The following COL19A1 variants were observed in gnomAD, a reference collection of about 807,000 sequenced individuals.
The protein encoded by COL19A1 is collagen alpha-1(XIX) chain.
Under a neutral mutation model 190.2 loss-of-function variants are expected in COL19A1, and 159 were observed. The observed-to-expected ratio is 0.84, with a 90% confidence interval of 0.73 to 0.95. COL19A1 has a LOEUF of 0.95. Among genes scored for constraint, COL19A1 ranks in the 40% least tolerant of loss-of-function variants. The pLI is 0.00. For missense variants in COL19A1, 1,418 were observed against 1,431.9 expected, an observed-to-expected ratio of 0.99 and a Z score of 0.16; for synonymous variants, 509 against 458.9, an observed-to-expected ratio of 1.11 and a Z score of -1.39.
At chr6:70,050,971 A>T (rs1780169710) in intron 14 of COL19A1, among the ~76,000 whole-genome samples, 1 of 152,064 alleles carries the variant, frequency 6.6e-6, no homozygotes, top group Non-Finnish European at 1.5e-5. Flanking sequence ...ATCCTTAAAT[A>T]TGAACTATTT....
chr6:69,879,491 C>G, intron 1 of COL19A1, 45 bp from the exon 2 acceptor site: 1 of 1,077,042 alleles, frequency 9.3e-7, no homozygotes, highest in South Asian at 1.3e-5. Context: ...TTGAAAGGAG[C>G]TGCATACAAT....
chr6:70,181,172 AG>A (rs1464872553), intron 44 of COL19A1, among the ~76,000 whole-genome samples: 1 of 152,236 alleles, frequency 6.6e-6, no homozygotes, highest in East Asian at 1.9e-4. Context: ...TATCCTTTAC[AG>A]AAGGTCACTG....
At position 70,180,350 on chromosome 6, in the gene COL19A1, G is replaced by A; in HGVS notation, c.2706G>A (p.Gly902=). Residue 902 remains glycine (G), a synonymous_variant, in exon 43 of 51, where the codon GGG becomes GGA. Transcript: ENST00000620364. ...PGAPGPPGVP[G]EPGERGPVGD... The stretch of plus-strand genomic sequence containing the variant: ...CCCCAGGGCCTCCAGGAGTTCCAGG[G>A]GAACCGGTGAGTTGGCAGTTACTTT... 1 of 1,614,134 alleles carries A rather than the reference G, an allele frequency of 6.2e-7. No homozygotes were observed. The highest frequency in any genetic ancestry group is 2.2e-5 in the East Asian group (1 of 44,868).
intron 15 of COL19A1, among the ~76,000 whole-genome samples, chr6:70,075,592 A>G (rs1205030847): frequency 6.6e-6 from 1 of 152,220 alleles, no homozygotes; most frequent in Admixed American, 6.5e-5. Context: ...GCTAATTAAA[A>G]TCAGATGAAC....
intron 10 of COL19A1, 74 bp from the exon 11 acceptor site, chr6:69,962,752 A>T (rs1774876065): frequency 1.9e-6 from 2 of 1,065,014 alleles, no homozygotes; most frequent in Admixed American, 2.4e-5. Flanking sequence ...TTGAAACATA[A>T]TTTTTATTGT....
chr6:70,060,954 C>T (rs1188733249), intron 14 of COL19A1, among the ~76,000 whole-genome samples: 1 of 152,030 alleles, frequency 6.6e-6, no homozygotes, highest in Non-Finnish European at 1.5e-5. Flanking sequence ...CACATAATGA[C>T]CTTTACAAAA....
chr6:70,036,963 C>T (rs1439295277), intron 14 of COL19A1, among the ~76,000 whole-genome samples: 1 of 152,038 alleles, frequency 6.6e-6, no homozygotes. Context: ...TTACAACTCC[C>T]ACATAAACAA....
chr6:69,990,017 AG>A (rs1254348556), intron 11 of COL19A1, among the ~76,000 whole-genome samples: 2 of 152,076 alleles, frequency 1.3e-5, no homozygotes, highest in African/African-American at 4.8e-5. Context: ...CATATCAAAA[AG>A]CTTAATAATG....
intron 15 of COL19A1, among the ~76,000 whole-genome samples, chr6:70,093,444 G>A (rs1783050334): frequency 6.6e-6 from 1 of 152,072 alleles, no homozygotes; most frequent in Non-Finnish European, 1.5e-5. Flanking sequence ...GCCAGAAGTT[G>A]GGCCTTAGAG....
At chr6:70,017,469 T>G (rs1243984864) in intron 11 of COL19A1, among the ~76,000 whole-genome samples, 6 of 152,098 alleles carry the variant, frequency 3.9e-5, no homozygotes, top group African/African-American at 1.4e-4. Flanking sequence ...TGTATCAGTA[T>G]TATGGCAAGT....
At chr6:70,156,517 G>A in intron 33 of COL19A1, 148 bp downstream of exon 33, 1 of 1,026,388 alleles carries the variant, frequency 9.7e-7, no homozygotes, top group African/African-American at 1.6e-5. Flanking sequence ...GAGAGAGAAA[G>A]TGATGTAAAA....
At chr6:69,987,078 A>G (rs1776353677) in intron 11 of COL19A1, among the ~76,000 whole-genome samples, 1 of 151,974 alleles carries the variant, frequency 6.6e-6, no homozygotes, top group Non-Finnish European at 1.5e-5. Context: ...GACTTTTGAT[A>G]TTCCTTAAAA....
intron 37 of COL19A1, 72 bp from the exon 38 acceptor site, chr6:70,167,953 T>C: frequency 8.9e-7 from 1 of 1,125,826 alleles, no homozygotes; most frequent in Admixed American, 2.2e-5. Flanking sequence ...TATCATTTGG[T>C]AAAATGATAA....
At chr6:69,930,230 AG>A (rs1458189528) in intron 6 of COL19A1, among the ~76,000 whole-genome samples, 3 of 152,224 alleles carry the variant, frequency 2.0e-5, no homozygotes, top group African/African-American at 4.8e-5. Context: ...GTCATTTGAA[AG>A]AGAAAAATTG....
intron 15 of COL19A1, among the ~76,000 whole-genome samples, chr6:70,074,219 T>C (rs540441936): frequency 2.5e-4 from 38 of 151,694 alleles, no homozygotes; most frequent in Admixed American, 1.2e-3. Flanking sequence ...TAGTGTTTCA[T>C]TGGGCGCGGT....
chr6:70,074,216 T>C (rs925783838), intron 15 of COL19A1, among the ~76,000 whole-genome samples: 42 of 151,726 alleles, frequency 2.8e-4, no homozygotes, highest in African/African-American at 9.7e-4. Context: ...TAATAGTGTT[T>C]CATTGGGCGC....
chr6:70,079,122 T>C (rs1487609776), intron 15 of COL19A1, among the ~76,000 whole-genome samples: 1 of 152,152 alleles, frequency 6.6e-6, no homozygotes, highest in African/African-American at 2.4e-5. Context: ...GGCATGATTA[T>C]AAAAACCAGT....
intron 12 of COL19A1, among the ~76,000 whole-genome samples, chr6:70,029,013 T>C (rs1778881059): frequency 6.6e-6 from 1 of 152,182 alleles, no homozygotes; most frequent in Non-Finnish European, 1.5e-5. Flanking sequence ...TATTATGGTC[T>C]TTTAAGTATC....
chr6:70,098,616 C>T, intron 15 of COL19A1: 1 of 399,660 alleles, frequency 2.5e-6, no homozygotes, highest in East Asian at 6.2e-5. Flanking sequence ...GCCTTAGAGC[C>T]ACAGTGGTGG....
Sources: allele counts gnomAD v4.1 joint callset (sites outside exome capture counted in the v4.1 genomes callset), GRCh38; gene constraint gnomAD v4.1.1; transcripts MANE v1.5; gene names NCBI Gene and HGNC (gene_info 2026-07-23, HGNC 2026-07-21).